Variants in CLEC1A observed in about 807,000 individuals in gnomAD.
The protein encoded by CLEC1A is C-type lectin-like receptor-1.
A neutral mutation model predicts 28.7 loss-of-function variants in CLEC1A; 34 were observed. That is an observed-to-expected ratio of 1.18 (90% CI 0.90 to 1.57). The LOEUF (loss-of-function observed/expected upper bound fraction) is 1.57. Among genes scored for constraint, CLEC1A ranks in the 40% most tolerant of loss-of-function variants. The pLI is 0.00. For synonymous variants in CLEC1A, 116 were observed against 121.0 expected (o/e 0.96, Z 0.27); for missense variants, 385 against 339.5 (o/e 1.13, Z -1.05).
At chr12:10,081,097 A>G in intron 3 of CLEC1A, 140 bp downstream of exon 3, 3 of 648,494 alleles carry the variant, frequency 4.6e-6, no homozygotes, top group South Asian at 2.3e-5. Flanking sequence ...CCAACAACTG[A>G]TCATGATCTT....
chr12:10,096,722 C>T (rs1333635125), intron 1 of CLEC1A, among the ~76,000 whole-genome samples: 1 of 152,110 alleles, frequency 6.6e-6, no homozygotes, highest in East Asian at 1.9e-4. Context: ...TCTAAAAATA[C>T]AAAGCTACTG....
At chr12:10,073,246 AAT>A (rs1866174542) in intron 5 of CLEC1A, 45 bp downstream of exon 5, 1 of 1,442,502 alleles carries the variant, frequency 6.9e-7, no homozygotes, top group Non-Finnish European at 9.7e-7. Flanking sequence ...ACTCAAGCAA[AAT>A]ATCTTTGTTA....
chr12:10,075,785 AATG>A, intron 3 of CLEC1A, 130 bp from the exon 4 acceptor site: 1 of 744,776 alleles, frequency 1.3e-6, no homozygotes, highest in African/African-American at 1.8e-5. Context: ...TTACCCAGGC[AATG>A]ATAACTACAA....
chr12:10,082,955 G>A (rs1866402282), intron 2 of CLEC1A, among the ~76,000 whole-genome samples: 1 of 152,226 alleles, frequency 6.6e-6, no homozygotes, highest in Non-Finnish European at 1.5e-5. Flanking sequence ...CTCTCACACA[G>A]TCTGCTTCAC....
chr12:10,075,683 T>C, intron 3 of CLEC1A, 28 bp from the exon 4 acceptor site: 1 of 1,608,758 alleles, frequency 6.2e-7, no homozygotes, highest in Non-Finnish European at 8.5e-7. Context: ...TTTATTGTTA[T>C]TTTCTGCATG....
chr12:10,071,620 T>A (rs1866136798), intron 5 of CLEC1A, 107 bp from the exon 6 acceptor site: 1 of 921,638 alleles, frequency 1.1e-6, no homozygotes, highest in Non-Finnish European at 1.5e-6. Context: ...GATACCAGAA[T>A]AAGTTTACCG....
Position 10,085,536 on chromosome 12 carries a change from T to TAAAAAA in CLEC1A, c.214+3582_214+3587dup, listed in dbSNP as rs71049044. ...AAAACAGACATTAAAGCAAAAACAG[T>TAAAAAA]AAAAAAAAAAAAAAAAAAAAGACAA... On this transcript the variant is annotated intron_variant, in intron 2 of 5. Coordinates refer to ENST00000315330, the MANE Select transcript of CLEC1A (RefSeq NM_016511.4). Among the ~76,000 whole-genome samples the TAAAAAA allele has an allele frequency of 1.9e-4, 24 of 128,676 alleles. No individual in the cohort carries two copies. The East Asian group carries it at 2.5e-3, about 13-fold the overall frequency. The allele number at this position is 128,676 out of a possible 152,430, so 84.4% of individuals were successfully genotyped here.
intron 1 of CLEC1A, chr12:10,092,404 A>G: frequency 2.7e-6 from 1 of 377,294 alleles, no homozygotes; most frequent in Non-Finnish European, 5.2e-6. Context: ...AAAATTCATC[A>G]GCCATGGTGG....
At chr12:10,098,237 A>G (rs943739672) in intron 1 of CLEC1A, among the ~76,000 whole-genome samples, 3 of 152,186 alleles carry the variant, frequency 2.0e-5, no homozygotes, top group African/African-American at 7.2e-5. Flanking sequence ...GTGTCAGTCT[A>G]TATCAGATCA....
chr12:10,088,979 A>G, intron 2 of CLEC1A, 145 bp downstream of exon 2: 1 of 678,670 alleles, frequency 1.5e-6, no homozygotes, highest in Non-Finnish European at 2.7e-6. Flanking sequence ...TTCACTATTT[A>G]AATAGTTGCC....
intron 3 of CLEC1A, among the ~76,000 whole-genome samples, chr12:10,079,474 A>C (rs1321176476): frequency 6.6e-6 from 1 of 152,156 alleles, no homozygotes; most frequent in Non-Finnish European, 1.5e-5. Context: ...TTATATACCT[A>C]AATAAAAATT....
chr12:10,071,744 C>T (rs1386585288), intron 5 of CLEC1A, among the ~76,000 whole-genome samples: 6 of 152,172 alleles, frequency 3.9e-5, no homozygotes, highest in South Asian at 2.1e-4. Context: ...AGCGAAGCTA[C>T]GTGTTCTCCT....
At chr12:10,088,697 G>T (rs1866551945) in intron 2 of CLEC1A, among the ~76,000 whole-genome samples, 1 of 151,838 alleles carries the variant, frequency 6.6e-6, no homozygotes, top group African/African-American at 2.4e-5. Flanking sequence ...GGTGATTAAG[G>T]AGTTTACCTA....
chr12:10,073,381 A>G lies in CLEC1A; in HGVS notation c.574T>C (p.Phe192Leu). Residue 192 changes from phenylalanine to leucine, a missense_variant, in exon 5 of 6, where the codon TTT becomes CTT. Phe to Leu is a conservative substitution (Grantham distance 22). Transcript: ENST00000315330. Reference protein sequence around the residue: ...EFAASQSYSEFFYSYWTGLLR... With the variant: ...EFAASQSYSELFYSYWTGLLR... ...AGCCCTGTCCAATAAGAGTAGAAAA[A>G]CTCAGAGTAGCTCTGAGACGCGGCA... The G allele has an allele frequency of 6.2e-7, 1 of 1,613,790 alleles. No homozygotes were observed. Among genetic ancestry groups the G allele is most frequent in the Non-Finnish European group, 8.5e-7 (1 of 1,179,870 alleles).
chr12:10,081,996 A>G (rs1476203090), intron 2 of CLEC1A, among the ~76,000 whole-genome samples: 1 of 151,998 alleles, frequency 6.6e-6, no homozygotes, highest in African/African-American at 2.4e-5. Context: ...TCCTGTAGGC[A>G]CTCCCATTCT....
intron 1 of CLEC1A, among the ~76,000 whole-genome samples, chr12:10,090,904 A>G (rs970330891): frequency 5.3e-5 from 8 of 152,188 alleles, no homozygotes; most frequent in Non-Finnish European, 8.8e-5. Flanking sequence ...TAAATCCTGC[A>G]TTAGTCTTAT....
chr12:10,092,560 A>T (rs1164247017), intron 1 of CLEC1A: 1 of 18,390 alleles, frequency 5.4e-5, no homozygotes, highest in Non-Finnish European at 6.6e-4. Flanking sequence ...AGTAGTAATG[A>T]AATGAAATGA....
intron 2 of CLEC1A, among the ~76,000 whole-genome samples, chr12:10,083,907 G>A (rs552448410): frequency 2.6e-5 from 4 of 152,084 alleles, no homozygotes; most frequent in Non-Finnish European, 4.4e-5. Flanking sequence ...GCAGTAGAAG[G>A]TTTCAACAAT....
In CLEC1A at chr12:10,098,756, TCA is replaced by T. The variant is rs1193893170; in HGVS notation, c.115+50_115+51del. The T allele has an allele frequency of 1.1e-5, 13 of 1,151,476 alleles. No homozygotes were observed. In the East Asian group the frequency reaches 3.2e-4, roughly 28 times the overall value. The allele number at this position is 1,151,476 out of a possible 1,614,324, so 71.3% of individuals were successfully genotyped here. On this transcript the variant is annotated intron_variant, in intron 1 of 5. Transcript: ENST00000315330. ...CCATTTCTAGGAGGGATAGATCATC[TCA>T]CACATTTCACAAGGACTGTGGTCTA...
Sources: allele counts gnomAD v4.1 joint callset (sites outside exome capture counted in the v4.1 genomes callset), GRCh38; gene constraint gnomAD v4.1.1; transcripts MANE v1.5; gene names NCBI Gene and HGNC (gene_info 2026-07-23, HGNC 2026-07-21).